Variants in SKAP2 observed in about 807,000 individuals in gnomAD.
SKAP2 encodes src kinase associated phosphoprotein 2, also known as src kinase-associated phosphoprotein 2.
In SKAP2, 28 loss-of-function variants were observed where a neutral mutation model predicts 54.9. That is an observed-to-expected ratio of 0.51 (90% CI 0.38 to 0.70). SKAP2 has a LOEUF of 0.70. SKAP2 is among the 30% of genes least tolerant of loss of function. The pLI is 0.00. For missense variants in SKAP2, 356 were observed against 424.1 expected, an observed-to-expected ratio of 0.84 and a Z score of 1.41; for synonymous variants, 137 against 134.3, an observed-to-expected ratio of 1.02 and a Z score of -0.14.
chr7:26,713,260 A>G (rs1236840260), intron 9 of SKAP2, among the ~76,000 whole-genome samples: 1 of 152,190 alleles, frequency 6.6e-6, no homozygotes, highest in Admixed American at 6.5e-5. Flanking sequence ...TAACCATAGA[A>G]TACACATCAT....
chr7:26,679,246 C>G (rs1786428203), intron 11 of SKAP2, among the ~76,000 whole-genome samples: 1 of 152,200 alleles, frequency 6.6e-6, no homozygotes, highest in Non-Finnish European at 1.5e-5. Flanking sequence ...TTGCTTTCAT[C>G]TGCCAACATT....
At chr7:26,762,525 T>C (rs1415439525) in intron 4 of SKAP2, among the ~76,000 whole-genome samples, 1 of 151,958 alleles carries the variant, frequency 6.6e-6, no homozygotes, top group Non-Finnish European at 1.5e-5. Context: ...AAGACGCTAA[T>C]GCTTGCCTTT....
At chr7:26,673,376 T>G (rs919852922) in intron 11 of SKAP2, among the ~76,000 whole-genome samples, 2 of 152,074 alleles carry the variant, frequency 1.3e-5, no homozygotes, top group African/African-American at 2.4e-5. Context: ...TTATAAGAAA[T>G]ATTGCATCCC....
intron 9 of SKAP2, among the ~76,000 whole-genome samples, chr7:26,706,586 G>A (rs1222276396): frequency 6.6e-6 from 1 of 152,150 alleles, no homozygotes; most frequent in Non-Finnish European, 1.5e-5. Context: ...GATTTTTCCT[G>A]TTTCCAGATG....
intron 9 of SKAP2, among the ~76,000 whole-genome samples, chr7:26,693,068 A>ACGC (rs1410985078): frequency 2.0e-5 from 3 of 152,194 alleles, no homozygotes; most frequent in Non-Finnish European, 4.4e-5. Context: ...ATGGTCGGTC[A>ACGC]CGCCTGTAAT....
intron 4 of SKAP2, among the ~76,000 whole-genome samples, chr7:26,747,946 CAATT>C (rs1345905063): frequency 2.6e-5 from 4 of 151,934 alleles, no homozygotes; most frequent in Non-Finnish European, 4.4e-5. Flanking sequence ...AATCTGAAAT[CAATT>C]GTGTTCACCA....
intron 4 of SKAP2, among the ~76,000 whole-genome samples, chr7:26,799,670 A>G (rs1289552653): frequency 6.6e-6 from 1 of 152,242 alleles, no homozygotes; most frequent in African/African-American, 2.4e-5. Context: ...GAAAATCAAC[A>G]AAGAAACATC....
intron 9 of SKAP2, among the ~76,000 whole-genome samples, chr7:26,692,905 G>GT (rs1786814907): frequency 1.3e-5 from 2 of 152,216 alleles, no homozygotes; most frequent in Admixed American, 6.5e-5. Context: ...TCTTTCCATA[G>GT]CACCCACTCC....
At chr7:26,695,954 G>C (rs911430408) in intron 9 of SKAP2, among the ~76,000 whole-genome samples, 1 of 152,272 alleles carries the variant, frequency 6.6e-6, no homozygotes, top group South Asian at 2.1e-4. Flanking sequence ...GAAGTACTGG[G>C]AGGATACATA....
Position 26,668,040 on chromosome 7 carries a change from C to T in SKAP2, c.*1626G>A, listed in dbSNP as rs1272878725. The T allele has an allele frequency of 2.6e-5, 4 of 151,354 alleles. No individual in the cohort carries two copies. The East Asian group carries it at 7.7e-4, about 29-fold the overall frequency. The allele number at this position is 151,354 out of a possible 1,614,324, so 9.4% of individuals were successfully genotyped here. ...ATATAAACTTGTTTACTCACAATCCCTAAAATCAAATTTCTTTTTTTTTTT... is the reference window on the plus strand; with the variant it reads ...ATATAAACTTGTTTACTCACAATCCTTAAAATCAAATTTCTTTTTTTTTTT... On this transcript the variant is annotated 3_prime_UTR_variant, in exon 13 of 13. Transcript: ENST00000345317.
rs1165934034 is a variant in SKAP2, at chr7:26,738,885, TAA to T, written c.386-9_386-8del. ...AATCCCAGAAAGCTGTGATCTGCAA[TAA>T]AGAGGGGAAAATGTAAGGCCATTTC... On this transcript the variant is annotated splice_region_variant and splice_polypyrimidine_tract_variant and intron_variant, in intron 5 of 12. Coordinates refer to ENST00000345317, the MANE Select transcript of SKAP2 (RefSeq NM_003930.5). 6.4e-7 allele frequency: 1 copy of T among 1,560,502 alleles called. No individual in the cohort carries two copies.
intron 9 of SKAP2, among the ~76,000 whole-genome samples, chr7:26,692,963 T>TG (rs1000915994): frequency 5.9e-5 from 9 of 152,184 alleles, no homozygotes; most frequent in African/African-American, 1.9e-4. Context: ...AATTAAAAAA[T>TG]GGATAAAGGC....
rs1562611238 is a variant in SKAP2 at position 26,789,641 on chromosome 7, C to A, written c.308-49677G>T. On this transcript the variant is annotated intron_variant, in intron 4 of 12. Transcript: ENST00000345317. ...TTCTCGCAAAATAATAACTCTTGGT[C>A]ATCATAGGCCGCCAAATATCAAGCC... Among the ~76,000 whole-genome samples the A allele has an allele frequency of 2.0e-5, 3 of 152,118 alleles. No individual in the cohort carries two copies. The South Asian group carries it at 6.2e-4, about 32-fold the overall frequency.
chr7:26,664,275 G>A (rs1329518808), downstream of SKAP2, among the ~76,000 whole-genome samples: 5 of 152,112 alleles, frequency 3.3e-5, no homozygotes, highest in Non-Finnish European at 7.4e-5. Flanking sequence ...TCATAGGGTT[G>A]TTATAAGAAT....
intron 4 of SKAP2, among the ~76,000 whole-genome samples, chr7:26,802,891 G>C (rs1463227830): frequency 6.6e-6 from 1 of 151,946 alleles, no homozygotes. Flanking sequence ...ATAAATAAAT[G>C]CTGCTTGGAA....
chr7:26,776,399 C>A (rs1319751937), intron 4 of SKAP2, among the ~76,000 whole-genome samples: 1 of 152,152 alleles, frequency 6.6e-6, no homozygotes, highest in African/African-American at 2.4e-5. Flanking sequence ...GTTTTATCTT[C>A]TAAATTTAAT....
At chr7:26,706,399 G>A (rs576826790) in intron 9 of SKAP2, among the ~76,000 whole-genome samples, 84 of 151,974 alleles carry the variant, frequency 5.5e-4, no homozygotes, top group Non-Finnish European at 6.8e-4. Flanking sequence ...TAGCCCTCAC[G>A]TGTCTCATTT....
chr7:26,856,479 G>A (rs908557980), intron 1 of SKAP2, among the ~76,000 whole-genome samples: 7 of 152,176 alleles, frequency 4.6e-5, no homozygotes, highest in African/African-American at 1.2e-4. Context: ...GGGGGACATA[G>A]AGACATAATC....
chr7:26,662,640 A>T (rs975793771), downstream of SKAP2, among the ~76,000 whole-genome samples: 18 of 152,160 alleles, frequency 1.2e-4, no homozygotes, highest in Non-Finnish European at 1.5e-5. Context: ...AGATAGGAAG[A>T]AAAATAGCAA....
Sources: allele counts gnomAD v4.1 joint callset (sites outside exome capture counted in the v4.1 genomes callset), GRCh38; gene constraint gnomAD v4.1.1; transcripts MANE v1.5; gene names NCBI Gene and HGNC (gene_info 2026-07-23, HGNC 2026-07-21).